CTNNA3: variants seen among roughly 807,000 people sequenced by gnomAD.
The protein encoded by CTNNA3 is catenin alpha-3.
A neutral mutation model predicts 95.7 loss-of-function variants in CTNNA3; 76 were observed. The observed-to-expected ratio is 0.79, with a 90% CI of 0.66 to 0.96. The LOEUF is 0.96. CTNNA3 is among the 40% of genes least tolerant of loss of function. The pLI is 0.00. For missense variants in CTNNA3, 1,191 were observed against 1,089.8 expected (o/e 1.09, Z -1.31); for synonymous variants, 431 against 374.4 (o/e 1.15, Z -1.74).
intron 17 of CTNNA3, among the ~76,000 whole-genome samples, chr10:65,952,329 T>G (rs2077635648): frequency 6.6e-6 from 1 of 152,180 alleles, no homozygotes; most frequent in Non-Finnish European, 1.5e-5. Flanking sequence ...ATTACTTCCA[T>G]GTACCTCCTG....
chr10:67,762,803 T>C (rs1278254850), intron 1 of CTNNA3, among the ~76,000 whole-genome samples: 7 of 152,240 alleles, frequency 4.6e-5, no homozygotes, highest in African/African-American at 7.2e-5. Context: ...AGTTATGTTA[T>C]CTACAGATTA....
chr10:67,107,601 G>A (rs1219768350), intron 7 of CTNNA3, among the ~76,000 whole-genome samples: 2 of 152,096 alleles, frequency 1.3e-5, no homozygotes, highest in African/African-American at 4.8e-5. Context: ...GTTAGTATTG[G>A]TGAATATTAA....
intron 6 of CTNNA3, among the ~76,000 whole-genome samples, chr10:67,207,680 G>A (rs57837693): frequency 0.05 from 7,596 of 152,210 alleles, 245 homozygotes; most frequent in South Asian, 0.11. Context: ...CTCCAGTATA[G>A]CGACTTGACC....
At chr10:66,648,658 T>C (rs1372732158) in intron 9 of CTNNA3, among the ~76,000 whole-genome samples, 1 of 145,744 alleles carries the variant, frequency 6.9e-6, no homozygotes, top group African/African-American at 2.6e-5. Flanking sequence ...GAAAAAATGA[T>C]TGTAAAAAAA....
intron 7 of CTNNA3, among the ~76,000 whole-genome samples, chr10:66,828,732 C>G (rs928656133): frequency 5.9e-5 from 9 of 152,210 alleles, no homozygotes; most frequent in African/African-American, 1.9e-4. Flanking sequence ...CTATTTTTTA[C>G]TGCACTATTC....
chr10:67,133,376 TATAC>T (rs1393614461), intron 7 of CTNNA3, among the ~76,000 whole-genome samples: 7 of 133,376 alleles, frequency 5.2e-5, no homozygotes, highest in African/African-American at 2.1e-4. Flanking sequence ...CATATATATA[TATAC>T]ACACACACAC....
chr10:66,729,586 A>C (rs993225293), intron 9 of CTNNA3, among the ~76,000 whole-genome samples: 5 of 152,260 alleles, frequency 3.3e-5, no homozygotes, highest in Admixed American at 2.6e-4. Context: ...GTGGGAGCTA[A>C]GCTATGAGGA....
intron 11 of CTNNA3, among the ~76,000 whole-genome samples, chr10:66,412,945 A>C (rs1197730932): frequency 6.6e-6 from 1 of 152,208 alleles, no homozygotes; most frequent in Non-Finnish European, 1.5e-5. Flanking sequence ...ATTAATTTTA[A>C]GTATCCAAAA....
chr10:67,082,080 T>C (rs1280170014), intron 7 of CTNNA3, among the ~76,000 whole-genome samples: 1 of 152,190 alleles, frequency 6.6e-6, no homozygotes, highest in Non-Finnish European at 1.5e-5. Flanking sequence ...TGATTGCAGA[T>C]TGCAGTCAGC....
At chr10:67,702,347 C>T (rs1157050647) in intron 1 of CTNNA3, among the ~76,000 whole-genome samples, 1 of 152,122 alleles carries the variant, frequency 6.6e-6, no homozygotes, top group Non-Finnish European at 1.5e-5. Flanking sequence ...CACACCACAC[C>T]TATTCAAAAA....
At chr10:66,934,557 G>T (rs897973219) in intron 7 of CTNNA3, among the ~76,000 whole-genome samples, 2 of 152,096 alleles carry the variant, frequency 1.3e-5, no homozygotes, top group Non-Finnish European at 2.9e-5. Flanking sequence ...AGTATATTAT[G>T]ATTTGCAATT....
intron 12 of CTNNA3, among the ~76,000 whole-genome samples, chr10:66,310,101 G>A (rs1445362839): frequency 6.6e-6 from 1 of 151,390 alleles, no homozygotes; most frequent in Non-Finnish European, 1.5e-5. Flanking sequence ...CTGGGCGACA[G>A]GGTGAGACTC....
intron 12 of CTNNA3, among the ~76,000 whole-genome samples, chr10:66,348,841 G>A (rs2092545158): frequency 6.6e-6 from 1 of 151,942 alleles, no homozygotes; most frequent in Admixed American, 6.6e-5. Flanking sequence ...ACCATGTATT[G>A]GCTGCTCAAA....
chr10:67,378,315 T>C (rs749192873), intron 5 of CTNNA3, among the ~76,000 whole-genome samples: 12 of 152,200 alleles, frequency 7.9e-5, no homozygotes, highest in Non-Finnish European at 1.5e-4. Flanking sequence ...AGAGAGTTTC[T>C]GTATATCTAT....
intron 9 of CTNNA3, among the ~76,000 whole-genome samples, chr10:66,635,524 T>G (rs1359946312): frequency 6.6e-6 from 1 of 152,138 alleles, no homozygotes; most frequent in Non-Finnish European, 1.5e-5. Flanking sequence ...AGAGATACAA[T>G]ATATTAAAGC....
At chr10:67,418,439 C>A (rs1178250689) in intron 5 of CTNNA3, among the ~76,000 whole-genome samples, 1 of 151,618 alleles carries the variant, frequency 6.6e-6, no homozygotes, top group Non-Finnish European at 1.5e-5. Context: ...AAGAAATCAA[C>A]CTGTATCTAT....
At chr10:67,195,997 A>G (rs986834439) in intron 6 of CTNNA3, among the ~76,000 whole-genome samples, 25 of 152,212 alleles carry the variant, frequency 1.6e-4, no homozygotes, top group African/African-American at 5.8e-4. Flanking sequence ...TTCTTCACAA[A>G]AACACATGCT....
intron 12 of CTNNA3, among the ~76,000 whole-genome samples, chr10:66,350,576 T>C (rs1414428984): frequency 6.7e-6 from 1 of 150,332 alleles, no homozygotes. Flanking sequence ...CCACATCTTA[T>C]TGAAAAATGA....
chr10:66,129,492 C>T (rs1225916090), intron 13 of CTNNA3, among the ~76,000 whole-genome samples: 1 of 152,118 alleles, frequency 6.6e-6, no homozygotes, highest in Non-Finnish European at 1.5e-5. Context: ...CAGGGACACC[C>T]ATCACCTTAA....
Sources: gnomAD v4.1 joint callset for allele counts (sites outside exome capture counted in the v4.1 genomes callset) on GRCh38, gnomAD v4.1.1 for gene constraint, MANE v1.5 for transcripts, NCBI Gene and HGNC (gene_info 2026-07-23, HGNC 2026-07-21) for gene names.